The following SBF2 variants were observed in gnomAD, a reference collection of about 807,000 sequenced individuals.
The protein encoded by SBF2 is SET binding factor 2, also known as myotubularin-related protein 13.
A neutral mutation model predicts 225.2 loss-of-function variants in SBF2; 112 were observed. The ratio of observed to expected loss-of-function variants is 0.50; its 90% CI spans 0.43 to 0.58. SBF2 has a LOEUF of 0.58. Ranked by LOEUF, SBF2 falls within the 20% of genes least tolerant of loss-of-function variation. The pLI is 0.00. For synonymous variants in SBF2, 763 were observed against 773.3 expected, an observed-to-expected ratio of 0.99 and a Z score of 0.22; for missense variants, 1,996 against 2,206.2, an observed-to-expected ratio of 0.90 and a Z score of 1.91.
At chr11:10,013,014 A>G (rs1306662149) in intron 6 of SBF2, among the ~76,000 whole-genome samples, 1 of 152,198 alleles carries the variant, frequency 6.6e-6, no homozygotes, top group South Asian at 2.1e-4. Flanking sequence ...CCAATTTTGC[A>G]TGGGTTGGAG....
intron 2 of SBF2, among the ~76,000 whole-genome samples, chr11:10,174,672 T>C (rs1371487430): frequency 6.6e-6 from 1 of 152,046 alleles, no homozygotes; most frequent in Admixed American, 6.6e-5. Context: ...GCCACAAAGA[T>C]ACTCCTCGAG....
At chr11:10,011,749 T>C (rs1948469633) in intron 6 of SBF2, among the ~76,000 whole-genome samples, 1 of 152,218 alleles carries the variant, frequency 6.6e-6, no homozygotes, top group Non-Finnish European at 1.5e-5. Flanking sequence ...TATTGATTCA[T>C]ATAGATGAAT....
At position 9,944,655 on chromosome 11, in the gene SBF2, G is replaced by T. The variant is rs181792502; in HGVS notation, c.1860+17302C>A. 2.8e-4 allele frequency among the ~76,000 whole-genome samples: 42 copies of T among 152,252 alleles called. No homozygotes were observed. The Middle Eastern group carries it at 0.01, about 37-fold the overall frequency. On this transcript the variant is annotated intron_variant, in intron 16 of 39. Transcript: ENST00000256190. ...TACCAAATACTGCTCAAAGAAATCA[G>T]AGATGACACAAATAAATGGAAAAAA...
At chr11:10,070,784 A>G (rs1428123483) in intron 2 of SBF2, among the ~76,000 whole-genome samples, 1 of 152,154 alleles carries the variant, frequency 6.6e-6, no homozygotes, top group Non-Finnish European at 1.5e-5. Context: ...GATTCTTCCT[A>G]TCCATGAGCA....
intron 6 of SBF2, among the ~76,000 whole-genome samples, chr11:10,011,013 G>A (rs1373661036): frequency 6.6e-6 from 1 of 152,130 alleles, no homozygotes; most frequent in African/African-American, 2.4e-5. Flanking sequence ...GTGAATGGGA[G>A]TTCACTCATG....
chr11:10,173,294 T>C (rs1450754626), intron 2 of SBF2, among the ~76,000 whole-genome samples: 4 of 152,166 alleles, frequency 2.6e-5, no homozygotes, highest in Non-Finnish European at 4.4e-5. Flanking sequence ...CACAGGTCAG[T>C]GGGTGCGTGC....
At chr11:10,136,882 A>T (rs1474692389) in intron 2 of SBF2, among the ~76,000 whole-genome samples, 1 of 152,184 alleles carries the variant, frequency 6.6e-6, no homozygotes, top group African/African-American at 2.4e-5. Context: ...TTCTTTTTCT[A>T]AATTGTTTTA....
At chr11:10,130,605 G>GATACACATTT (rs1254770434) in intron 2 of SBF2, among the ~76,000 whole-genome samples, 1 of 151,920 alleles carries the variant, frequency 6.6e-6, no homozygotes, top group African/African-American at 2.4e-5. Context: ...CACATGCATA[G>GATACACATTT]ATCTGTGTAA....
chr11:9,995,904 C>A (rs1947679839), intron 9 of SBF2, among the ~76,000 whole-genome samples: 1 of 151,490 alleles, frequency 6.6e-6, no homozygotes, highest in Non-Finnish European at 1.5e-5. Flanking sequence ...AGATGATCCG[C>A]CCGCCTCAGT....
At chr11:10,269,431 C>T (rs1338283122) in intron 1 of SBF2, among the ~76,000 whole-genome samples, 2 of 152,032 alleles carry the variant, frequency 1.3e-5, no homozygotes, top group African/African-American at 2.4e-5. Flanking sequence ...TCCCTGGAAC[C>T]GTAGAGAAAA....
chr11:9,902,123 A>T (rs2134156577), intron 16 of SBF2, among the ~76,000 whole-genome samples: 1 of 152,334 alleles, frequency 6.6e-6, no homozygotes, highest in South Asian at 2.1e-4. Flanking sequence ...TAATGCAGCC[A>T]GGCCTTCCCT....
intron 16 of SBF2, among the ~76,000 whole-genome samples, chr11:9,911,074 CA>C (rs201283264): frequency 1.4e-5 from 2 of 141,466 alleles, no homozygotes; most frequent in Non-Finnish European, 3.1e-5. Context: ...ACAAAAAAAA[CA>C]AAAAAAACAC....
At chr11:10,043,134 G>C (rs960605331) in intron 2 of SBF2, 153 bp from the exon 3 acceptor site, 1 of 725,662 alleles carries the variant, frequency 1.4e-6, no homozygotes, top group Middle Eastern at 3.9e-4. Context: ...TTAATGTACA[G>C]ATTCATAATG....
At chr11:10,075,448 C>A (rs1349605350) in intron 2 of SBF2, among the ~76,000 whole-genome samples, 3 of 152,158 alleles carry the variant, frequency 2.0e-5, no homozygotes, top group East Asian at 1.9e-4. Flanking sequence ...GGTTCTGTGT[C>A]CCCACCCAAA....
At chr11:10,168,990 A>T (rs1285511979) in intron 2 of SBF2, among the ~76,000 whole-genome samples, 1 of 152,190 alleles carries the variant, frequency 6.6e-6, no homozygotes, top group Non-Finnish European at 1.5e-5. Context: ...TCTTTTGAAG[A>T]GCATTTAATT....
At chr11:10,062,581 T>C (rs187701269) in intron 2 of SBF2, among the ~76,000 whole-genome samples, 1 of 152,240 alleles carries the variant, frequency 6.6e-6, no homozygotes, top group Non-Finnish European at 1.5e-5. Context: ...AATAAGCATA[T>C]GGAAACAAGC....
chr11:10,103,142 A>G (rs1952384547), intron 2 of SBF2, among the ~76,000 whole-genome samples: 1 of 152,130 alleles, frequency 6.6e-6, no homozygotes, highest in Non-Finnish European at 1.5e-5. Flanking sequence ...CTTTTTAAAA[A>G]TTTTTGAGTT....
At chr11:10,141,977 G>C (rs1954669297) in intron 2 of SBF2, among the ~76,000 whole-genome samples, 1 of 152,110 alleles carries the variant, frequency 6.6e-6, no homozygotes, top group African/African-American at 2.4e-5. Flanking sequence ...CTTAACCTTA[G>C]AGCTCTGCAC....
At chr11:9,920,610 G>C (rs1863542262) in intron 16 of SBF2, among the ~76,000 whole-genome samples, 1 of 152,154 alleles carries the variant, frequency 6.6e-6, no homozygotes, top group African/African-American at 2.4e-5. Flanking sequence ...TGTGAGAAGA[G>C]ACATTAATCT....
Sources: gnomAD v4.1 joint callset for allele counts (sites outside exome capture counted in the v4.1 genomes callset) on GRCh38, gnomAD v4.1.1 for gene constraint, MANE v1.5 for transcripts, NCBI Gene and HGNC (gene_info 2026-07-23, HGNC 2026-07-21) for gene names.